Variants in PARD3 observed in about 807,000 individuals in gnomAD.
PARD3 encodes the protein par-3 family cell polarity regulator.
PARD3 carries 75 observed loss-of-function variants against 155.4 expected under a neutral mutation model. That is an observed-to-expected ratio of 0.48 (90% CI 0.40 to 0.58). The LOEUF is 0.58. PARD3 is among the 20% of genes least tolerant of loss of function. The probability of loss-of-function intolerance (pLI) is 0.00; values close to 1 mark genes in which losing one functional copy is unlikely to be tolerated. For synonymous variants in PARD3, 576 were observed against 610.5 expected (o/e 0.94, Z 0.83); for missense variants, 1,642 against 1,721.7 (o/e 0.95, Z 0.82).
intron 16 of PARD3, 128 bp from the exon 17 acceptor site, chr10:34,337,554 A>C: frequency 2.3e-6 from 1 of 435,558 alleles, no homozygotes. Context: ...ATTCAACTAA[A>C]TAATACAAAT....
chr10:34,164,178 G>A (rs1189607005), intron 22 of PARD3, among the ~76,000 whole-genome samples: 1 of 152,152 alleles, frequency 6.6e-6, no homozygotes, highest in Non-Finnish European at 1.5e-5. Flanking sequence ...GGAAGAAAAG[G>A]AAGAATTGGC....
intron 15 of PARD3, among the ~76,000 whole-genome samples, chr10:34,342,800 C>T (rs1256687033): frequency 3.9e-5 from 6 of 152,166 alleles, no homozygotes; most frequent in East Asian, 1.9e-4. Context: ...CTGGGGATTT[C>T]AACTGCATTC....
intron 3 of PARD3, among the ~76,000 whole-genome samples, chr10:34,499,983 A>G (rs900886657): frequency 3.9e-5 from 6 of 152,362 alleles, no homozygotes; most frequent in Middle Eastern, 3.4e-3. Context: ...TCATTTAGGG[A>G]ACATCCACAA....
intron 3 of PARD3, among the ~76,000 whole-genome samples, chr10:34,487,628 A>G (rs2079563560): frequency 6.6e-6 from 1 of 151,952 alleles, no homozygotes; most frequent in African/African-American, 2.4e-5. Context: ...TAGAAATCCC[A>G]TCCAGGTTTT....
intron 22 of PARD3, among the ~76,000 whole-genome samples, chr10:34,146,248 T>C (rs1948499303): frequency 6.6e-6 from 1 of 152,022 alleles, no homozygotes; most frequent in African/African-American, 2.4e-5. Context: ...ATAGCTTAAA[T>C]GTCTTTTCAA....
intron 2 of PARD3, among the ~76,000 whole-genome samples, chr10:34,627,633 C>A (rs2092048735): frequency 1.3e-5 from 2 of 152,144 alleles, no homozygotes; most frequent in Admixed American, 1.3e-4. Flanking sequence ...AACACCTGGG[C>A]TTCCGAAGCC....
chr10:34,349,345 T>C (rs904473586), intron 14 of PARD3, among the ~76,000 whole-genome samples: 4 of 152,112 alleles, frequency 2.6e-5, no homozygotes, highest in African/African-American at 4.8e-5. Flanking sequence ...CAATTACAAT[T>C]GGAGGCACAT....
intron 12 of PARD3, among the ~76,000 whole-genome samples, chr10:34,370,253 T>C (rs913893132): frequency 2.6e-5 from 4 of 152,128 alleles, no homozygotes; most frequent in African/African-American, 4.8e-5. Context: ...ATATATGACT[T>C]CCTTTTTTAA....
intron 4 of PARD3, among the ~76,000 whole-genome samples, chr10:34,466,692 C>T (rs1210298092): frequency 6.6e-6 from 1 of 152,050 alleles, no homozygotes; most frequent in East Asian, 1.9e-4. Context: ...AGCATGAGAC[C>T]ATAGGTAAGC....
At chr10:34,531,302 G>A (rs567025836) in intron 2 of PARD3, among the ~76,000 whole-genome samples, 4 of 152,232 alleles carry the variant, frequency 2.6e-5, no homozygotes, top group East Asian at 1.9e-4. Flanking sequence ...CTGGAAACTC[G>A]TCTGCTGCCT....
intron 22 of PARD3, among the ~76,000 whole-genome samples, chr10:34,149,343 G>C (rs1948672406): frequency 6.6e-6 from 1 of 151,900 alleles, no homozygotes; most frequent in Non-Finnish European, 1.5e-5. Flanking sequence ...CTATGAACAT[G>C]TTACTATTTG....
chr10:34,703,946 C>T (rs1267042367), intron 1 of PARD3, among the ~76,000 whole-genome samples: 1 of 152,154 alleles, frequency 6.6e-6, no homozygotes, highest in East Asian at 1.9e-4. Context: ...AAACATTACC[C>T]CTTTGTAAGT....
chr10:34,368,177 A>G (rs982652398), intron 12 of PARD3, among the ~76,000 whole-genome samples: 3 of 152,134 alleles, frequency 2.0e-5, no homozygotes, highest in Admixed American at 2.0e-4. Context: ...TGAACCCAGG[A>G]GGCGGAGGCT....
chr10:34,263,336 G>A (rs1377774175), intron 22 of PARD3, among the ~76,000 whole-genome samples: 2 of 152,132 alleles, frequency 1.3e-5, no homozygotes, highest in African/African-American at 4.8e-5. Flanking sequence ...GGAAAGTGAA[G>A]CAGAGACTTT....
chr10:34,648,537 C>T (rs12249163), intron 2 of PARD3, among the ~76,000 whole-genome samples: 2,600 of 152,306 alleles, frequency 0.017, 71 homozygotes, highest in African/African-American at 0.059. Flanking sequence ...ATGAAACCAT[C>T]TGGCCTCCGC....
chr10:34,414,600 G>A (rs754518379), intron 5 of PARD3, among the ~76,000 whole-genome samples: 2 of 151,302 alleles, frequency 1.3e-5, no homozygotes, highest in African/African-American at 4.9e-5. Flanking sequence ...CCAATCACTT[G>A]AGCCCAGGAG....
intron 7 of PARD3, among the ~76,000 whole-genome samples, chr10:34,393,718 C>T (rs771009897): frequency 6.6e-6 from 1 of 152,018 alleles, no homozygotes; most frequent in Non-Finnish European, 1.5e-5. Context: ...AAGCAAGACC[C>T]AGTTTCTACT....
At chr10:34,507,551 A>AAAAAAAAAAC (rs1477547348) in intron 3 of PARD3, among the ~76,000 whole-genome samples, 22 of 55,932 alleles carry the variant, frequency 3.9e-4, no homozygotes, top group African/African-American at 1.3e-3. Flanking sequence ...AAAAAAACAA[A>AAAAAAAAAAC]AAAAAAAAAA....
chr10:34,461,565 C>T (rs956315584), intron 4 of PARD3, among the ~76,000 whole-genome samples: 4 of 152,062 alleles, frequency 2.6e-5, no homozygotes, highest in African/African-American at 9.7e-5. Context: ...GAGATCACAC[C>T]ACTGCATTCC....
Sources: allele counts gnomAD v4.1 joint callset (sites outside exome capture counted in the v4.1 genomes callset), GRCh38; gene constraint gnomAD v4.1.1; transcripts MANE v1.5; gene names NCBI Gene and HGNC (gene_info 2026-07-23, HGNC 2026-07-21).